ST7: variants seen among roughly 807,000 people sequenced by gnomAD.
ST7 encodes the protein suppression of tumorigenicity 7.
Under a neutral mutation model 78.7 loss-of-function variants are expected in ST7, and 28 were observed. The observed-to-expected ratio is 0.36, with a 90% CI of 0.26 to 0.49. The LOEUF is 0.49. ST7 is among the 20% of genes least tolerant of loss of function. ST7 has a pLI of 0.99. For synonymous variants in ST7, 247 were observed against 249.6 expected (o/e 0.99, Z 0.10); for missense variants, 418 against 696.0 (o/e 0.60, Z 4.49).
chr7:117,209,522 G>A (rs1792110608), intron 12 of ST7, among the ~76,000 whole-genome samples: 1 of 152,114 alleles, frequency 6.6e-6, no homozygotes, highest in African/African-American at 2.4e-5. Flanking sequence ...TGCTGTTTGA[G>A]TCTTATGTAT....
At chr7:117,214,251 A>G (rs969052145) in intron 13 of ST7, among the ~76,000 whole-genome samples, 5 of 152,168 alleles carry the variant, frequency 3.3e-5, no homozygotes, top group Admixed American at 3.3e-4. Context: ...GTTTTTTTCT[A>G]CTTGACCAAG....
intron 1 of ST7, among the ~76,000 whole-genome samples, chr7:117,074,081 A>G (rs911258210): frequency 6.6e-6 from 1 of 152,220 alleles, no homozygotes; most frequent in Non-Finnish European, 1.5e-5. Context: ...AGATATTGTT[A>G]TATGATTTCC....
At chr7:117,032,726 T>G (rs1796668112) in intron 1 of ST7, among the ~76,000 whole-genome samples, 1 of 152,240 alleles carries the variant, frequency 6.6e-6, no homozygotes, top group Admixed American at 6.5e-5. Context: ...TAGATATGAA[T>G]CTATAAACAT....
intron 1 of ST7, among the ~76,000 whole-genome samples, chr7:117,060,347 G>C (rs1798286923): frequency 6.6e-6 from 1 of 152,140 alleles, no homozygotes; most frequent in South Asian, 2.1e-4. Flanking sequence ...ACTCATGACT[G>C]CAAAGCCGTA....
intron 10 of ST7, among the ~76,000 whole-genome samples, chr7:117,184,771 G>C (rs562122608): frequency 6.6e-6 from 1 of 152,274 alleles, no homozygotes; most frequent in African/African-American, 2.4e-5. Context: ...GTAAAAAATG[G>C]TGAAAATGAA....
Position 117,020,628 on chromosome 7 carries a change from A to C in ST7, c.151+66937A>C, listed in dbSNP as rs1426506489. On this transcript the variant is annotated intron_variant, in intron 1 of 15. Coordinates refer to ENST00000323984, the MANE Select transcript of ST7 (RefSeq NM_001369598.1). The stretch of plus-strand genomic sequence containing the variant: ...CAGCCATGTTTGGCACTGAATCTTC[A>C]TGTAAGTAAATGGATCCCACTTCTC... The C allele has an allele frequency of 1.9e-6, 3 of 1,550,638 alleles. No homozygotes were observed. In the South Asian group the frequency reaches 3.6e-5, roughly 18 times the overall value.
intron 1 of ST7, among the ~76,000 whole-genome samples, chr7:116,971,599 T>G (rs1793426087): frequency 6.6e-6 from 1 of 152,222 alleles, no homozygotes; most frequent in South Asian, 2.1e-4. Context: ...TTGTTTGTTT[T>G]TGTTGTTATT....
intron 13 of ST7, among the ~76,000 whole-genome samples, chr7:117,214,944 G>T (rs1343062605): frequency 7.5e-6 from 1 of 133,232 alleles, no homozygotes; most frequent in African/African-American, 4.1e-5. Flanking sequence ...GTGTGTGTGT[G>T]TGTGTGTGTG....
intron 1 of ST7, among the ~76,000 whole-genome samples, chr7:117,045,155 C>T (rs1797430427): frequency 6.6e-6 from 1 of 152,086 alleles, no homozygotes; most frequent in African/African-American, 2.4e-5. Context: ...TGGGTTACTA[C>T]AGAGGTCTTA....
intron 9 of ST7, among the ~76,000 whole-genome samples, chr7:117,155,421 T>C (rs1475801456): frequency 6.6e-6 from 1 of 151,888 alleles, no homozygotes; most frequent in Non-Finnish European, 1.5e-5. Flanking sequence ...AGGGATGAGA[T>C]CTTACTAAGC....
chr7:117,195,034 T>G (rs1016276502), intron 12 of ST7, among the ~76,000 whole-genome samples: 3 of 152,238 alleles, frequency 2.0e-5, no homozygotes, highest in Admixed American at 6.5e-5. Context: ...AATTATTTGT[T>G]TGTTACAGGC....
At chr7:117,147,050 G>A (rs1348305806) in intron 9 of ST7, among the ~76,000 whole-genome samples, 2 of 152,154 alleles carry the variant, frequency 1.3e-5, no homozygotes, top group Non-Finnish European at 1.5e-5. Context: ...ACAGAATGTA[G>A]TGTCTTGTGT....
intron 1 of ST7, among the ~76,000 whole-genome samples, chr7:117,064,317 A>G (rs563237883): frequency 1.3e-5 from 2 of 152,338 alleles, no homozygotes; most frequent in South Asian, 4.1e-4. Flanking sequence ...AAAAGTCAGA[A>G]AAACATTAAT....
At chr7:117,011,510 A>G (rs536577635) in intron 1 of ST7, among the ~76,000 whole-genome samples, 8 of 152,336 alleles carry the variant, frequency 5.3e-5, no homozygotes, top group African/African-American at 1.9e-4. Flanking sequence ...GTGAAGGAAC[A>G]GATACATACA....
chr7:117,168,271 C>G (rs1203244839), intron 9 of ST7, among the ~76,000 whole-genome samples: 1 of 152,128 alleles, frequency 6.6e-6, no homozygotes, highest in Non-Finnish European at 1.5e-5. Flanking sequence ...CTCATGTTTG[C>G]GTATGCGGTC....
chr7:117,210,414 C>T (rs910997711), intron 13 of ST7, among the ~76,000 whole-genome samples: 2 of 152,192 alleles, frequency 1.3e-5, no homozygotes, highest in Non-Finnish European at 2.9e-5. Context: ...GGACAGTGGC[C>T]ATTGAACCCT....
intron 9 of ST7, among the ~76,000 whole-genome samples, chr7:117,141,281 A>G (rs1036467292): frequency 2.0e-5 from 3 of 152,208 alleles, no homozygotes; most frequent in African/African-American, 7.2e-5. Context: ...TTCCATGTAG[A>G]AAGCAGAATC....
At chr7:117,138,556 A>T in intron 9 of ST7, 24 bp downstream of exon 9, 1 of 1,541,938 alleles carries the variant, frequency 6.5e-7, no homozygotes, top group Non-Finnish European at 8.9e-7. Context: ...TGTGTTTGGG[A>T]TCAGTGGCTT....
At chr7:116,984,775 A>G (rs1245603915) in intron 1 of ST7, among the ~76,000 whole-genome samples, 1 of 152,152 alleles carries the variant, frequency 6.6e-6, no homozygotes, top group Non-Finnish European at 1.5e-5. Flanking sequence ...TTCCTCTACT[A>G]TGGGTTTAAG....
Sources: allele counts gnomAD v4.1 joint callset (sites outside exome capture counted in the v4.1 genomes callset), GRCh38; gene constraint gnomAD v4.1.1; transcripts MANE v1.5; gene names NCBI Gene and HGNC (gene_info 2026-07-23, HGNC 2026-07-21).